The following NALF1 variants were observed in gnomAD, a reference collection of about 807,000 sequenced individuals.
The protein encoded by NALF1 is family with sequence similarity 155 member A.
NALF1 carries 3 observed loss-of-function variants against 48.4 expected under a neutral mutation model. The ratio of observed to expected loss-of-function variants is 0.06; its 90% confidence interval spans 0.03 to 0.16. The LOEUF (loss-of-function observed/expected upper bound fraction) is 0.16. Ranked by LOEUF, NALF1 falls within the 10% of genes least tolerant of loss-of-function variation. NALF1 has a pLI of 1.00. For synonymous variants in NALF1, 262 were observed against 245.7 expected (o/e 1.07, Z -0.62); for missense variants, 526 against 571.5 (o/e 0.92, Z 0.81).
At chr13:107,647,592 T>C (rs1158503065) in intron 1 of NALF1, among the ~76,000 whole-genome samples, 1 of 152,046 alleles carries the variant, frequency 6.6e-6, no homozygotes, top group Non-Finnish European at 1.5e-5. Flanking sequence ...ATTAATAAAC[T>C]TTTGTATTAA....
At position 107,170,674 on chromosome 13, in the gene NALF1, G is replaced by A. The variant is rs1878782887; in HGVS notation, c.1200C>T (p.His400=). 1 of 1,614,084 alleles carries A rather than the reference G, an allele frequency of 6.2e-7. No individual in the cohort carries two copies. The highest frequency in any genetic ancestry group is 1.3e-5 in the African/African-American group (1 of 74,928). The change falls in exon 3 of 3, where the codon CAC becomes CAT. Residue 400 remains histidine, a synonymous_variant. Transcript: ENST00000375915. ...CTGATGACACTGTGAGCGATGTCCT[G>A]TGACAGGAGCCACTTTTCTCTACGG... is the stretch of plus-strand genomic sequence containing the variant. The part of the protein sequence containing the change: ...KGTVEKSGSC[H]RTSLTVSSAT...
chr13:107,819,723 A>ACT (rs1263359013), intron 1 of NALF1, among the ~76,000 whole-genome samples: 5 of 109,812 alleles, frequency 4.6e-5, no homozygotes, highest in Admixed American at 9.0e-5. Flanking sequence ...CTCTCTGGAA[A>ACT]CTGTCTCTCT....
chr13:107,625,296 G>A (rs1594168070), intron 1 of NALF1, among the ~76,000 whole-genome samples: 1 of 152,054 alleles, frequency 6.6e-6, no homozygotes, highest in African/African-American at 2.4e-5. Context: ...GGGGCTAAAC[G>A]AAAAGCACCT....
intron 1 of NALF1, among the ~76,000 whole-genome samples, chr13:107,690,291 A>G (rs939326939): frequency 3.3e-5 from 5 of 152,246 alleles, no homozygotes; most frequent in African/African-American, 1.2e-4. Flanking sequence ...TTACAATTCA[A>G]AAAGAAAAGA....
chr13:107,585,254 G>A (rs1365098771), intron 1 of NALF1, among the ~76,000 whole-genome samples: 4 of 151,268 alleles, frequency 2.6e-5, no homozygotes, highest in Non-Finnish European at 5.9e-5. Context: ...ATAAATTTGA[G>A]AAATTACTAG....
At chr13:107,691,157 A>C (rs1433926296) in intron 1 of NALF1, among the ~76,000 whole-genome samples, 1 of 152,200 alleles carries the variant, frequency 6.6e-6, no homozygotes, top group Admixed American at 6.5e-5. Flanking sequence ...AATGAAGATG[A>C]AGGCAGAGAT....
At chr13:107,803,658 T>G (rs1392421912) in intron 1 of NALF1, among the ~76,000 whole-genome samples, 1 of 152,192 alleles carries the variant, frequency 6.6e-6, no homozygotes, top group Non-Finnish European at 1.5e-5. Flanking sequence ...TTAGAAAAGT[T>G]ACCCCAGAAG....
rs558599514 is a variant in NALF1, at chr13:107,442,512, G to A, written c.916-231757C>T. Among the ~76,000 whole-genome samples, 482 of 152,192 alleles carry A rather than the reference G, an allele frequency of 3.2e-3. 3 individuals carry two copies. Among genetic ancestry groups the A allele is most frequent in the Non-Finnish European group, 4.5e-3 (308 of 68,012 alleles). ...AAAATAGGCTTTTGTTCACTGCACA[G>A]GTAAATGCGTTTAATGAAGTTGATG... On this transcript the variant is annotated intron_variant, in intron 1 of 2. Transcript: ENST00000375915.
chr13:107,696,110 C>T (rs1380872808), intron 1 of NALF1, among the ~76,000 whole-genome samples: 1 of 152,140 alleles, frequency 6.6e-6, no homozygotes, highest in Non-Finnish European at 1.5e-5. Flanking sequence ...GTTGGCCAGG[C>T]TGGCCTTGAA....
intron 1 of NALF1, among the ~76,000 whole-genome samples, chr13:107,576,968 C>A (rs1878171423): frequency 6.6e-6 from 1 of 152,012 alleles, no homozygotes; most frequent in African/African-American, 2.4e-5. Flanking sequence ...GGGTCAATTC[C>A]CTTAAATAAA....
chr13:107,223,101 T>C (rs1439318802), intron 1 of NALF1, among the ~76,000 whole-genome samples: 2 of 152,248 alleles, frequency 1.3e-5, no homozygotes, highest in African/African-American at 2.4e-5. Context: ...CTGAATTTTA[T>C]TAGCAGTGAC....
At chr13:107,432,459 G>A (rs2139018525) in intron 1 of NALF1, among the ~76,000 whole-genome samples, 1 of 152,302 alleles carries the variant, frequency 6.6e-6, no homozygotes, top group Middle Eastern at 3.4e-3. Context: ...CTTTAAAATA[G>A]TAATGATGTT....
chr13:107,778,978 C>T (rs1877814857), intron 1 of NALF1, among the ~76,000 whole-genome samples: 1 of 152,158 alleles, frequency 6.6e-6, no homozygotes, highest in Admixed American at 6.5e-5. Context: ...CTATTTAACT[C>T]TTCTTAACCT....
intron 1 of NALF1, among the ~76,000 whole-genome samples, chr13:107,782,206 G>C (rs989460937): frequency 6.6e-6 from 1 of 152,184 alleles, no homozygotes; most frequent in African/African-American, 2.4e-5. Context: ...GGCGCGTGCC[G>C]CCACGCCTGA....
intron 1 of NALF1, among the ~76,000 whole-genome samples, chr13:107,215,831 A>G (rs1046423576): frequency 5.9e-5 from 8 of 136,544 alleles, no homozygotes; most frequent in Admixed American, 7.9e-5. Context: ...AAAATGCCCT[A>G]TGATTAATAT....
At chr13:107,668,222 C>T (rs1001642653) in intron 1 of NALF1, among the ~76,000 whole-genome samples, 2 of 152,032 alleles carry the variant, frequency 1.3e-5, no homozygotes, top group Non-Finnish European at 2.9e-5. Flanking sequence ...AAAGAATAAA[C>T]ATGCAGGGTT....
intron 1 of NALF1, among the ~76,000 whole-genome samples, chr13:107,494,725 A>G (rs1050301506): frequency 6.6e-6 from 1 of 152,232 alleles, no homozygotes; most frequent in African/African-American, 2.4e-5. Flanking sequence ...GTGTTTCCTA[A>G]AAGTTCAAAT....
intron 1 of NALF1, among the ~76,000 whole-genome samples, chr13:107,753,273 C>T (rs1412315823): frequency 6.6e-6 from 1 of 152,176 alleles, no homozygotes; most frequent in African/African-American, 2.4e-5. Context: ...TCCATTTTCT[C>T]ACTTTTAACT....
intron 1 of NALF1, among the ~76,000 whole-genome samples, chr13:107,826,686 A>G (rs145690918): frequency 6.6e-6 from 1 of 152,346 alleles, no homozygotes; most frequent in African/African-American, 2.4e-5. Context: ...AGTGGAGAAG[A>G]CCACAGTCAA....
Sources: allele counts gnomAD v4.1 joint callset (sites outside exome capture counted in the v4.1 genomes callset), GRCh38; gene constraint gnomAD v4.1.1; transcripts MANE v1.5; gene names NCBI Gene and HGNC (gene_info 2026-07-23, HGNC 2026-07-21).